The following COL22A1 variants were observed in gnomAD, a reference collection of about 807,000 sequenced individuals.
COL22A1 encodes collagen alpha-1(XXII) chain.
Under a neutral mutation model 248.9 loss-of-function variants are expected in COL22A1, and 221 were observed. The observed-to-expected ratio is 0.89, with a 90% confidence interval of 0.80 to 0.99. The LOEUF (loss-of-function observed/expected upper bound fraction) is 0.99. Ranked by LOEUF, COL22A1 falls within the 50% of genes least tolerant of loss-of-function variation. The probability of loss-of-function intolerance (pLI) is 0.00; values close to 1 mark genes in which losing one functional copy is unlikely to be tolerated. For synonymous variants in COL22A1, 891 were observed against 793.4 expected (o/e 1.12, Z -2.07); for missense variants, 2,240 against 2,179.0 (o/e 1.03, Z -0.56).
chr8:138,742,096 A>T (rs1831627913), intron 22 of COL22A1, among the ~76,000 whole-genome samples: 1 of 132,056 alleles, frequency 7.6e-6, no homozygotes, highest in Non-Finnish European at 1.6e-5. Flanking sequence ...TGATGATAGT[A>T]GCCATGGTGA....
intron 2 of COL22A1, among the ~76,000 whole-genome samples, chr8:138,879,177 T>C (rs1386652340): frequency 6.6e-6 from 1 of 152,198 alleles, no homozygotes; most frequent in Non-Finnish European, 1.5e-5. Flanking sequence ...ACATACGCTG[T>C]TCTCCCTGCA....
Position 138,724,861 on chromosome 8 carries a change from C to G in COL22A1, c.2194-193G>C, listed in dbSNP as rs1482484395. Among the ~76,000 whole-genome samples the G allele has an allele frequency of 2.0e-5, 3 of 152,168 alleles. No homozygotes were observed. In the East Asian group the frequency reaches 5.8e-4, roughly 29 times the overall value. ...GAAGTTGACACGTCCGTGGCTTGTG[C>G]GGCCTGCAGTCGGGGCGTCCTTCCT... On this transcript the variant is annotated intron_variant, in intron 24 of 64. Transcript: ENST00000303045.
chr8:138,879,690 C>CAAAAAA (rs372214665), intron 2 of COL22A1, among the ~76,000 whole-genome samples: 14 of 99,044 alleles, frequency 1.4e-4, no homozygotes, highest in African/African-American at 2.7e-4. Flanking sequence ...GACACTCTCT[C>CAAAAAA]AAAAAAAAAA....
intron 35 of COL22A1, among the ~76,000 whole-genome samples, chr8:138,692,650 C>T (rs947523184): frequency 9.9e-5 from 15 of 152,076 alleles, no homozygotes; most frequent in African/African-American, 1.5e-4. Context: ...GGAACTCTCA[C>T]GGCCTTGGAG....
At chr8:138,626,617 T>G (rs1820261675) in intron 50 of COL22A1, among the ~76,000 whole-genome samples, 1 of 152,182 alleles carries the variant, frequency 6.6e-6, no homozygotes, top group Non-Finnish European at 1.5e-5. Flanking sequence ...ATTCACATTC[T>G]CTACCCATAC....
chr8:138,842,972 AG>A (rs541562095), intron 4 of COL22A1, among the ~76,000 whole-genome samples: 180 of 152,298 alleles, frequency 1.2e-3, no homozygotes, highest in African/African-American at 4.0e-3. Context: ...GTATGGCATG[AG>A]GCCAGTTACC....
chr8:138,912,452 G>A (rs72731675), intron 1 of COL22A1, among the ~76,000 whole-genome samples: 2 of 152,266 alleles, frequency 1.3e-5, no homozygotes, highest in African/African-American at 2.4e-5. Context: ...TAGGAGTGTC[G>A]GCATGGGCCC....
At chr8:138,610,826 G>A (rs1818800354) in intron 56 of COL22A1, among the ~76,000 whole-genome samples, 1 of 152,230 alleles carries the variant, frequency 6.6e-6, no homozygotes, top group Admixed American at 6.5e-5. Context: ...CACTTTGGGA[G>A]GCTGAGATGG....
At chr8:138,594,267 C>G in intron 62 of COL22A1, 68 bp from the exon 63 acceptor site, 4 of 1,408,924 alleles carry the variant, frequency 2.8e-6, no homozygotes, top group Non-Finnish European at 3.8e-6. Flanking sequence ...GATGGCTACT[C>G]ACTGACAACT....
At chr8:138,689,313 C>T (rs1016504045) in intron 36 of COL22A1, among the ~76,000 whole-genome samples, 1 of 152,176 alleles carries the variant, frequency 6.6e-6, no homozygotes, top group African/African-American at 2.4e-5. Flanking sequence ...GCCTTAAGAA[C>T]CCAGCCTTAG....
chr8:138,677,945 G>A (rs1825690304), intron 40 of COL22A1, among the ~76,000 whole-genome samples: 2 of 152,164 alleles, frequency 1.3e-5, no homozygotes, highest in Admixed American at 6.5e-5. Flanking sequence ...GTTATGAAGA[G>A]CCAATGAGAT....
chr8:138,614,162 T>C (rs1819125984), intron 55 of COL22A1, among the ~76,000 whole-genome samples: 1 of 152,212 alleles, frequency 6.6e-6, no homozygotes, highest in East Asian at 1.9e-4. Flanking sequence ...TTAGACATCC[T>C]CCACCTGGTC....
chr8:138,618,337 C>T (rs1005768109), intron 53 of COL22A1, among the ~76,000 whole-genome samples: 3 of 152,196 alleles, frequency 2.0e-5, no homozygotes, highest in African/African-American at 7.2e-5. Flanking sequence ...GCCAGAGGAG[C>T]TTGGTCTTCT....
At chr8:138,727,152 C>A (rs1487364238) in intron 23 of COL22A1, among the ~76,000 whole-genome samples, 2 of 152,148 alleles carry the variant, frequency 1.3e-5, no homozygotes, top group African/African-American at 2.4e-5. Flanking sequence ...AAGGGTAGTG[C>A]TCTTCCAAGC....
intron 41 of COL22A1, among the ~76,000 whole-genome samples, chr8:138,667,918 A>G (rs889633694): frequency 2.6e-5 from 4 of 152,114 alleles, no homozygotes; most frequent in African/African-American, 9.7e-5. Context: ...CTGAGTACCA[A>G]CTTAGCTGAA....
intron 1 of COL22A1, among the ~76,000 whole-genome samples, chr8:138,906,265 G>T (rs1281266666): frequency 2.0e-5 from 3 of 152,036 alleles, no homozygotes; most frequent in African/African-American, 7.2e-5. Flanking sequence ...AGCTACTCAG[G>T]AGGCTGAGGC....
At chr8:138,607,071 G>A (rs549211355) in intron 57 of COL22A1, among the ~76,000 whole-genome samples, 1 of 152,288 alleles carries the variant, frequency 6.6e-6, no homozygotes, top group South Asian at 2.1e-4. Context: ...AGTCCAACAA[G>A]AGGAGGGTCT....
In COL22A1 at chr8:138,797,855, CAT is replaced by C. The variant is rs563633636; in HGVS notation, c.1558-1000_1558-999del. ...ATGTATTCTGGGGTTTTGTTAGGTG[CAT>C]ATATGTTTATAATTGCTATATTTTT... On this transcript the variant is annotated intron_variant, in intron 11 of 64. Transcript: ENST00000303045. 9.5e-4 allele frequency among the ~76,000 whole-genome samples: 144 copies of C among 152,062 alleles called. 1 individual carries two copies. The highest frequency in any genetic ancestry group is 3.3e-3 in the African/African-American group (136 of 41,508).
intron 23 of COL22A1, among the ~76,000 whole-genome samples, chr8:138,729,664 G>A (rs969939647): frequency 7.9e-5 from 12 of 152,162 alleles, no homozygotes; most frequent in African/African-American, 2.7e-4. Flanking sequence ...TACAGGGGAC[G>A]TGCTCACAAG....
Sources: allele counts gnomAD v4.1 joint callset (sites outside exome capture counted in the v4.1 genomes callset), GRCh38; gene constraint gnomAD v4.1.1; transcripts MANE v1.5; gene names NCBI Gene and HGNC (gene_info 2026-07-23, HGNC 2026-07-21).